ZBTB20: variants seen among roughly 807,000 people sequenced by gnomAD.
The protein encoded by ZBTB20 is zinc finger and BTB domain containing 20, also known as zinc finger and BTB domain-containing protein 20.
ZBTB20 carries 9 observed loss-of-function variants against 56.9 expected under a neutral mutation model. The observed-to-expected ratio is 0.16, with a 90% CI of 0.10 to 0.28. The LOEUF (loss-of-function observed/expected upper bound fraction) is 0.28. ZBTB20 is among the 10% of genes least tolerant of loss of function. The probability of loss-of-function intolerance (pLI) is 1.00; values close to 1 mark genes in which losing one functional copy is unlikely to be tolerated. For synonymous variants in ZBTB20, 417 were observed against 420.7 expected (o/e 0.99, Z 0.11); for missense variants, 655 against 1,003.0 (o/e 0.65, Z 4.69).
chr3:114,675,338 C>T (rs1430428226), intron 6 of ZBTB20, among the ~76,000 whole-genome samples: 2 of 103,278 alleles, frequency 1.9e-5, no homozygotes, highest in African/African-American at 8.1e-5. Context: ...GTTTTTTTTG[C>T]TGGGCCGGGG....
chr3:114,982,692 G>T (rs1344815492), intron 2 of ZBTB20, among the ~76,000 whole-genome samples: 2 of 151,992 alleles, frequency 1.3e-5, no homozygotes, highest in African/African-American at 4.8e-5. Flanking sequence ...AAAGTCCTGT[G>T]GGTACATGTG....
At chr3:114,596,265 G>C (rs1259003400) in intron 6 of ZBTB20, among the ~76,000 whole-genome samples, 1 of 152,024 alleles carries the variant, frequency 6.6e-6, no homozygotes, top group Non-Finnish European at 1.5e-5. Context: ...AAACTACCTA[G>C]AATATAATCT....
intron 8 of ZBTB20, among the ~76,000 whole-genome samples, chr3:114,381,468 T>C (rs368454981): frequency 2.6e-5 from 4 of 152,208 alleles, no homozygotes; most frequent in African/African-American, 9.6e-5. Flanking sequence ...ACACAGACCC[T>C]AGACCACAGC....
At chr3:114,923,233 T>G (rs1282365503) in intron 3 of ZBTB20, among the ~76,000 whole-genome samples, 1 of 152,194 alleles carries the variant, frequency 6.6e-6, no homozygotes, top group Non-Finnish European at 1.5e-5. Context: ...ATCCTGAAAT[T>G]TGTTTGGAAC....
intron 2 of ZBTB20, among the ~76,000 whole-genome samples, chr3:115,042,467 A>G (rs988456625): frequency 6.6e-6 from 1 of 152,204 alleles, no homozygotes. Flanking sequence ...ATTTTAAAAC[A>G]TCTTTATTTA....
intron 8 of ZBTB20, chr3:114,387,816 T>C (rs924015309): frequency 6.6e-6 from 1 of 152,250 alleles, no homozygotes; most frequent in East Asian, 1.9e-4. Flanking sequence ...AAACTATGTT[T>C]GATCTTCTGT....
Position 114,327,179 on chromosome 3 carries a change from C to T in ZBTB20, c.*11826G>A, listed in dbSNP as rs2079092725. The T allele has an allele frequency of 6.6e-6, 1 of 152,010 alleles. No homozygotes were observed. Among genetic ancestry groups the T allele is most frequent in the Admixed American group, 6.6e-5 (1 of 15,256 alleles). The allele number at this position is 152,010 out of a possible 1,614,324, so 9.4% of individuals were successfully genotyped here. On this transcript the variant is annotated 3_prime_UTR_variant, in exon 12 of 12. Transcript: ENST00000675478. ...ACCCTGGAGTCTCTAGAATATCAAA[C>T]AGGATTTAGACATTAATCTGAGACT... is the stretch of plus-strand genomic sequence containing the variant.
rs142280382 is a variant in ZBTB20 at position 114,883,736 on chromosome 3, G to A, written c.-417+16568C>T. The stretch of plus-strand genomic sequence containing the variant: ...TTTTTAAAGCAAAAATCTCTCGATC[G>A]TTATTCAGATGACAAATTATATGGT... On this transcript the variant is annotated intron_variant, in intron 4 of 11. Transcript: ENST00000675478. Among the ~76,000 whole-genome samples, 167 of 151,770 alleles carry A rather than the reference G, an allele frequency of 1.1e-3. 1 individual carries two copies. The highest frequency in any genetic ancestry group is 2.3e-3 in the South Asian group (11 of 4,808).
intron 7 of ZBTB20, among the ~76,000 whole-genome samples, chr3:114,461,294 C>T (rs1355499711): frequency 6.8e-6 from 1 of 146,992 alleles, no homozygotes; most frequent in Non-Finnish European, 1.5e-5. Flanking sequence ...AAAACAATCT[C>T]CTCCCCCCCC....
At chr3:115,046,427 A>G (rs2081336164) in intron 2 of ZBTB20, among the ~76,000 whole-genome samples, 1 of 152,176 alleles carries the variant, frequency 6.6e-6, no homozygotes. Context: ...CAAAATGAGT[A>G]AACACATCAA....
intron 3 of ZBTB20, among the ~76,000 whole-genome samples, chr3:114,947,049 A>G (rs1371683551): frequency 1.4e-5 from 2 of 145,356 alleles, no homozygotes; most frequent in Non-Finnish European, 3.0e-5. Flanking sequence ...CAAGAAACAT[A>G]TAAAAAAAAA....
chr3:115,147,134 C>T (rs2085027003), intron 1 of ZBTB20, 85 bp downstream of exon 1: 1 of 145,986 alleles, frequency 6.8e-6, no homozygotes, highest in Admixed American at 6.8e-5. Flanking sequence ...CCAGGCGCCT[C>T]GCAGACGCCT....
intron 6 of ZBTB20, among the ~76,000 whole-genome samples, chr3:114,513,472 T>G (rs1033783784): frequency 6.6e-6 from 1 of 152,156 alleles, no homozygotes; most frequent in African/African-American, 2.4e-5. Flanking sequence ...ATTAACACTC[T>G]CCATGCTGGC....
At chr3:114,362,667 T>C (rs2082010795) in intron 10 of ZBTB20, among the ~76,000 whole-genome samples, 1 of 152,220 alleles carries the variant, frequency 6.6e-6, no homozygotes, top group African/African-American at 2.4e-5. Context: ...TTCTGATACA[T>C]GCCATGCTGT....
At chr3:114,363,633 A>T (rs1245370051) in intron 10 of ZBTB20, among the ~76,000 whole-genome samples, 1 of 152,172 alleles carries the variant, frequency 6.6e-6, no homozygotes, top group African/African-American at 2.4e-5. Flanking sequence ...GACAAATAGA[A>T]TATGAGGCAC....
At chr3:114,927,048 C>T (rs2076185003) in intron 3 of ZBTB20, among the ~76,000 whole-genome samples, 1 of 152,096 alleles carries the variant, frequency 6.6e-6, no homozygotes. Flanking sequence ...AATCTTGGGG[C>T]CCAAAATCAC....
intron 2 of ZBTB20, among the ~76,000 whole-genome samples, chr3:115,023,903 C>T (rs1240568976): frequency 2.6e-5 from 4 of 151,104 alleles, no homozygotes; most frequent in Admixed American, 2.0e-4. Flanking sequence ...ATGATTCCAA[C>T]TTATATCTCT....
chr3:114,937,045 C>G (rs981290776), intron 3 of ZBTB20, among the ~76,000 whole-genome samples: 2 of 152,166 alleles, frequency 1.3e-5, no homozygotes, highest in South Asian at 4.1e-4. Context: ...GGTTCCAAGT[C>G]TTTGTTATTG....
intron 5 of ZBTB20, among the ~76,000 whole-genome samples, chr3:114,702,310 T>C (rs2063443842): frequency 6.6e-6 from 1 of 152,220 alleles, no homozygotes; most frequent in South Asian, 2.1e-4. Flanking sequence ...ATCGTGCTAC[T>C]GCACTCCAGT....
Sources: allele counts gnomAD v4.1 joint callset (sites outside exome capture counted in the v4.1 genomes callset), GRCh38; gene constraint gnomAD v4.1.1; transcripts MANE v1.5; gene names NCBI Gene and HGNC (gene_info 2026-07-23, HGNC 2026-07-21).